The following MYO1E variants were observed in gnomAD, a reference collection of about 807,000 sequenced individuals.
MYO1E encodes the protein myosin IE.
In MYO1E, 68 loss-of-function variants were observed where a neutral mutation model predicts 151.1. That is an observed-to-expected ratio of 0.45 (90% CI 0.37 to 0.55). The LOEUF (loss-of-function observed/expected upper bound fraction) is 0.55, where lower values mean the gene tolerates loss of function less well. Among genes scored for constraint, MYO1E ranks in the 20% least tolerant of loss-of-function variants. The pLI is 0.00. For missense variants in MYO1E, 1,363 were observed against 1,389.3 expected, an observed-to-expected ratio of 0.98 and a Z score of 0.30; for synonymous variants, 601 against 501.7, an observed-to-expected ratio of 1.20 and a Z score of -2.64.
intron 2 of MYO1E, among the ~76,000 whole-genome samples, chr15:59,270,121 A>G (rs2080280684): frequency 6.6e-6 from 1 of 152,220 alleles, no homozygotes; most frequent in African/African-American, 2.4e-5. Flanking sequence ...AAGTTATATA[A>G]GTAAATAATA....
At chr15:59,273,476 G>A (rs1156245331) in intron 1 of MYO1E, among the ~76,000 whole-genome samples, 2 of 152,172 alleles carry the variant, frequency 1.3e-5, no homozygotes, top group Non-Finnish European at 2.9e-5. Context: ...AGTGATTCAT[G>A]CGTCAATAAC....
chr15:59,228,730 C>T (rs2080007063), intron 6 of MYO1E, among the ~76,000 whole-genome samples: 1 of 151,996 alleles, frequency 6.6e-6, no homozygotes, highest in Non-Finnish European at 1.5e-5. Context: ...AATGTGTATG[C>T]TGACTAAATC....
intron 17 of MYO1E, among the ~76,000 whole-genome samples, chr15:59,192,421 A>C (rs1315047927): frequency 6.6e-6 from 1 of 152,152 alleles, no homozygotes; most frequent in Non-Finnish European, 1.5e-5. Context: ...TTGGATTTTT[A>C]CAAGGAAGTA....
intron 2 of MYO1E, among the ~76,000 whole-genome samples, chr15:59,265,364 G>A (rs1368823627): frequency 6.6e-6 from 1 of 152,086 alleles, no homozygotes; most frequent in Non-Finnish European, 1.5e-5. Context: ...GAATTCAGTT[G>A]CATATGAGCT....
At chr15:59,200,817 G>T (rs996986762) in intron 16 of MYO1E, among the ~76,000 whole-genome samples, 2 of 149,362 alleles carry the variant, frequency 1.3e-5, no homozygotes, top group African/African-American at 5.2e-5. Context: ...AATATCTTAA[G>T]ATAGACTCTT....
chr15:59,146,363 C>T (rs1022880452), intron 26 of MYO1E, among the ~76,000 whole-genome samples: 6 of 152,050 alleles, frequency 3.9e-5, no homozygotes, highest in African/African-American at 7.3e-5. Flanking sequence ...GTCACTTGGC[C>T]GGAGTGCAGT....
intron 1 of MYO1E, among the ~76,000 whole-genome samples, chr15:59,289,154 G>A (rs928657593): frequency 4.6e-5 from 7 of 152,140 alleles, no homozygotes; most frequent in Admixed American, 1.3e-4. Context: ...ACTAGAACTC[G>A]GGTCCTCTGA....
chr15:59,328,960 C>T (rs28510169), intron 1 of MYO1E, among the ~76,000 whole-genome samples: 2,761 of 152,250 alleles, frequency 0.018, 82 homozygotes, highest in African/African-American at 0.061. Context: ...CACAGCTAAT[C>T]AGGACAGGGT....
intron 18 of MYO1E, among the ~76,000 whole-genome samples, chr15:59,179,164 A>G (rs1427042212): frequency 4.0e-5 from 6 of 151,278 alleles, no homozygotes; most frequent in Non-Finnish European, 7.4e-5. Flanking sequence ...TCTCCCCTCT[A>G]CTGGTGTGCT....
intron 22 of MYO1E, among the ~76,000 whole-genome samples, chr15:59,168,825 TGCCCAG>T (rs1448423238): frequency 1.3e-5 from 2 of 152,164 alleles, no homozygotes; most frequent in African/African-American, 4.8e-5. Context: ...CTTACTATGT[TGCCCAG>T]GTGGGTCCCA....
At chr15:59,325,963 T>C (rs1406120861) in intron 1 of MYO1E, among the ~76,000 whole-genome samples, 1 of 152,034 alleles carries the variant, frequency 6.6e-6, no homozygotes, top group Non-Finnish European at 1.5e-5. Context: ...TCAAGAATCT[T>C]CCCAAAGCAC....
intron 1 of MYO1E, among the ~76,000 whole-genome samples, chr15:59,325,995 T>C (rs879667381): frequency 6.6e-6 from 1 of 152,064 alleles, no homozygotes; most frequent in Non-Finnish European, 1.5e-5. Context: ...GCTACGACAT[T>C]TAAAGTAATG....
chr15:59,207,272 C>T (rs369967492), intron 14 of MYO1E: 49 of 1,614,006 alleles, frequency 3.0e-5, no homozygotes, highest in Admixed American at 3.3e-5. Context: ...AAGGGTGAGA[C>T]GATGGATCTT....
In MYO1E at chr15:59,136,578, A is replaced by AT. The variant is rs1271324882; in HGVS notation, c.*801dup. ...AGTACAGTGGAATACTACTTAGTAC[A>AT]TTCATACATGTTTCTACCATCTCAA... is the stretch of plus-strand genomic sequence containing the variant. On this transcript the variant is annotated 3_prime_UTR_variant, in exon 28 of 28. Transcript: ENST00000288235. 5.1e-6 allele frequency: 2 copies of AT among 394,554 alleles called. No homozygotes were observed. The highest frequency in any genetic ancestry group is 4.2e-5 in the African/African-American group (2 of 48,000). The allele number at this position is 394,554 out of a possible 1,614,324, so 24.4% of individuals were successfully genotyped here. A position where few individuals can be genotyped will look rare whatever the true frequency, so the allele number is the denominator to read the frequency against.
At chr15:59,251,503 C>G (rs79234195) in intron 4 of MYO1E, among the ~76,000 whole-genome samples, 1,563 of 152,198 alleles carry the variant, frequency 0.01, 31 homozygotes, top group African/African-American at 0.036. Flanking sequence ...ACGTTTGCGA[C>G]TATTAGAGAA....
intron 3 of MYO1E, among the ~76,000 whole-genome samples, chr15:59,258,744 T>C (rs2080208418): frequency 1.3e-5 from 2 of 152,026 alleles, no homozygotes; most frequent in Admixed American, 1.3e-4. Context: ...TCCCAGCTAT[T>C]TGCTTGGGAA....
At chr15:59,151,134 A>C (rs150910232) in intron 26 of MYO1E, among the ~76,000 whole-genome samples, 287 of 152,004 alleles carry the variant, frequency 1.9e-3, no homozygotes, top group African/African-American at 6.4e-3. Flanking sequence ...TGATAAAACT[A>C]AGGTGCTTTC....
intron 14 of MYO1E, chr15:59,207,666 T>C (rs2079847512): frequency 6.2e-7 from 1 of 1,614,178 alleles, no homozygotes; most frequent in Non-Finnish European, 8.5e-7. Flanking sequence ...TCGGAGAGCA[T>C]GGAGACTCAA....
At chr15:59,366,999 A>C (rs1204569217) in intron 1 of MYO1E, among the ~76,000 whole-genome samples, 392 of 4,542 alleles carry the variant, frequency 0.086, 4 homozygotes, top group African/African-American at 0.13. Flanking sequence ...CATTTTCGCA[A>C]AAAAAAAAAA....
Sources: allele counts gnomAD v4.1 joint callset (sites outside exome capture counted in the v4.1 genomes callset), GRCh38; gene constraint gnomAD v4.1.1; transcripts MANE v1.5; gene names NCBI Gene and HGNC (gene_info 2026-07-23, HGNC 2026-07-21).